Variants in RASAL2 observed in about 807,000 individuals in gnomAD.
RASAL2 encodes the protein RAS protein activator like 2, also known as ras GTPase-activating protein nGAP.
In RASAL2, 58 loss-of-function variants were observed where a neutral mutation model predicts 128.9. The observed-to-expected ratio is 0.45, with a 90% CI of 0.36 to 0.56. RASAL2 has a LOEUF of 0.56. Ranked by LOEUF, RASAL2 falls within the 20% of genes least tolerant of loss-of-function variation. RASAL2 has a pLI of 0.00. For missense variants in RASAL2, 1,360 were observed against 1,601.6 expected (o/e 0.85, Z 2.57); for synonymous variants, 561 against 580.8 (o/e 0.97, Z 0.49).
chr1:178,105,630 C>A (rs143126133), intron 1 of RASAL2, among the ~76,000 whole-genome samples: 1 of 151,438 alleles, frequency 6.6e-6, no homozygotes, highest in African/African-American at 2.4e-5. Flanking sequence ...GTATTTTTGT[C>A]AGTTTTTGAA....
intron 3 of RASAL2, among the ~76,000 whole-genome samples, chr1:178,326,908 G>A (rs527797189): frequency 6.6e-6 from 1 of 151,990 alleles, no homozygotes; most frequent in Non-Finnish European, 1.5e-5. Context: ...TTCTCTTACC[G>A]ACTTTTTATC....
At chr1:178,426,948 G>A (rs191108002) in intron 5 of RASAL2, among the ~76,000 whole-genome samples, 175 of 152,232 alleles carry the variant, frequency 1.1e-3, no homozygotes, top group Middle Eastern at 3.4e-3. Flanking sequence ...CTAAGTCTGA[G>A]AGACCAGTTA....
intron 14 of RASAL2, among the ~76,000 whole-genome samples, chr1:178,461,398 G>C (rs766311525): frequency 1.3e-5 from 2 of 152,044 alleles, no homozygotes; most frequent in Admixed American, 1.3e-4. Context: ...AGTCTTCTAC[G>C]TCTAATGAGT....
At chr1:178,166,497 A>C (rs926815584) in intron 1 of RASAL2, among the ~76,000 whole-genome samples, 1 of 152,194 alleles carries the variant, frequency 6.6e-6, no homozygotes, top group Non-Finnish European at 1.5e-5. Context: ...AAATAAACTT[A>C]TGTGAGTAAA....
chr1:178,244,435 G>C (rs562999932), intron 1 of RASAL2, among the ~76,000 whole-genome samples: 8 of 152,154 alleles, frequency 5.3e-5, no homozygotes, highest in Non-Finnish European at 1.0e-4. Flanking sequence ...TAGAGATGGG[G>C]TTTCACCATA....
intron 3 of RASAL2, among the ~76,000 whole-genome samples, chr1:178,341,083 G>T (rs536386690): frequency 6.6e-6 from 1 of 152,114 alleles, no homozygotes; most frequent in Non-Finnish European, 1.5e-5. Context: ...TGCGTCAGCT[G>T]TAAGATTTAC....
intron 1 of RASAL2, among the ~76,000 whole-genome samples, chr1:178,268,741 G>T (rs2102163181): frequency 6.6e-6 from 1 of 152,230 alleles, no homozygotes; most frequent in East Asian, 1.9e-4. Context: ...CGACAGGCAT[G>T]CACCACGGCT....
At chr1:178,432,527 C>G (rs1675981984) in intron 5 of RASAL2, among the ~76,000 whole-genome samples, 1 of 152,084 alleles carries the variant, frequency 6.6e-6, no homozygotes, top group African/African-American at 2.4e-5. Context: ...TATGTATGTT[C>G]TGTTTCACTG....
At chr1:178,323,597 T>C (rs1432021714) in intron 3 of RASAL2, among the ~76,000 whole-genome samples, 1 of 152,226 alleles carries the variant, frequency 6.6e-6, no homozygotes, top group African/African-American at 2.4e-5. Context: ...TCAAGTGTAC[T>C]TGGTTGTGAA....
intron 1 of RASAL2, among the ~76,000 whole-genome samples, chr1:178,276,900 G>A (rs1666542060): frequency 6.6e-6 from 1 of 151,832 alleles, no homozygotes; most frequent in South Asian, 2.1e-4. Flanking sequence ...TGTAATCCCA[G>A]CACTTTGGGA....
Position 178,442,992 on chromosome 1 carries a change from T to C in RASAL2, c.1245T>C (p.Tyr415=), listed in dbSNP as rs1283782593. 6.2e-7 allele frequency: 1 copy of C among 1,614,038 alleles called. No individual in the cohort carries two copies. ...GTCGCCAATTTGTAGAAAAGTGGTATCCAGTGAGTACACCTACACCCAACA... is the reference window on the plus strand; with the variant it reads ...GTCGCCAATTTGTAGAAAAGTGGTACCCAGTGAGTACACCTACACCCAACA... ...VTGRQFVEKW[Y]PVSTPTPNKG... Residue 415 remains tyrosine, a synonymous_variant, in exon 8 of 18, where the codon TAT becomes TAC. Coordinates refer to ENST00000367649, the MANE Select transcript of RASAL2 (RefSeq NM_170692.4).
At chr1:178,288,592 T>G (rs1667137138) in intron 2 of RASAL2, among the ~76,000 whole-genome samples, 1 of 151,670 alleles carries the variant, frequency 6.6e-6, no homozygotes, top group South Asian at 2.1e-4. Context: ...ACATTTTAGT[T>G]TTTTGCTTTC....
At chr1:178,446,905 C>T (rs1424027347) in intron 9 of RASAL2, among the ~76,000 whole-genome samples, 1 of 152,106 alleles carries the variant, frequency 6.6e-6, no homozygotes, top group Non-Finnish European at 1.5e-5. Flanking sequence ...TAAGAAGTAG[C>T]ATGGGGGAAA....
intron 2 of RASAL2, among the ~76,000 whole-genome samples, chr1:178,299,470 C>T (rs1667665054): frequency 6.6e-6 from 1 of 152,098 alleles, no homozygotes; most frequent in African/African-American, 2.4e-5. Flanking sequence ...AGCTAATTTA[C>T]ATGCCCACCT....
chr1:178,168,642 C>G (rs1054697002), intron 1 of RASAL2, among the ~76,000 whole-genome samples: 3 of 152,048 alleles, frequency 2.0e-5, no homozygotes, highest in Admixed American at 1.3e-4. Context: ...GCTCTGTAGG[C>G]TAGTTGAAAT....
At chr1:178,207,884 A>G (rs1663112210) in intron 1 of RASAL2, among the ~76,000 whole-genome samples, 1 of 152,172 alleles carries the variant, frequency 6.6e-6, no homozygotes, top group South Asian at 2.1e-4. Flanking sequence ...TGTAGCACAC[A>G]TTTTAGTCAA....
intron 1 of RASAL2, among the ~76,000 whole-genome samples, chr1:178,155,688 G>A (rs1661062562): frequency 6.9e-6 from 1 of 145,320 alleles, no homozygotes; most frequent in South Asian, 2.2e-4. Context: ...TGCTGAATAT[G>A]TTGGACTTTC....
intron 16 of RASAL2, among the ~76,000 whole-genome samples, chr1:178,467,089 T>G (rs1040704956): frequency 6.6e-6 from 1 of 152,044 alleles, no homozygotes; most frequent in Non-Finnish European, 1.5e-5. Context: ...CAGGAAGGAA[T>G]CTGAGAGAGA....
intron 1 of RASAL2, among the ~76,000 whole-genome samples, chr1:178,102,789 C>T (rs1005904489): frequency 3.3e-5 from 5 of 152,126 alleles, no homozygotes; most frequent in African/African-American, 1.2e-4. Context: ...ACTCTTCCTC[C>T]CTGCCTCTAC....
Sources: gnomAD v4.1 joint callset for allele counts (sites outside exome capture counted in the v4.1 genomes callset) on GRCh38, gnomAD v4.1.1 for gene constraint, MANE v1.5 for transcripts, NCBI Gene and HGNC (gene_info 2026-07-23, HGNC 2026-07-21) for gene names.